The following CADM2 variants were observed in gnomAD, a reference collection of about 807,000 sequenced individuals.
CADM2 encodes cell adhesion molecule 2, also known as immunoglobulin superfamily member 4D.
Under a neutral mutation model 49.8 loss-of-function variants are expected in CADM2, and 12 were observed. That is an observed-to-expected ratio of 0.24 (90% CI 0.15 to 0.39). The LOEUF is 0.39. Ranked by LOEUF, CADM2 falls within the 10% of genes least tolerant of loss-of-function variation. The pLI, the probability that CADM2 is intolerant of heterozygous loss-of-function variation, is 1.00. For missense variants in CADM2, 378 were observed against 492.3 expected (o/e 0.77, Z 2.20); for synonymous variants, 214 against 175.4 (o/e 1.22, Z -1.74).
At chr3:85,744,504 CAAA>C (rs969872533) in intron 2 of CADM2, among the ~76,000 whole-genome samples, 1 of 150,404 alleles carries the variant, frequency 6.6e-6, no homozygotes, top group African/African-American at 2.4e-5. Context: ...CATGTACCCA[CAAA>C]AAATAAAAAA....
chr3:85,624,128 C>A (rs1480068493), intron 1 of CADM2, among the ~76,000 whole-genome samples: 1 of 151,780 alleles, frequency 6.6e-6, no homozygotes, highest in Non-Finnish European at 1.5e-5. Context: ...TTCATATAAC[C>A]ATATAGAGAA....
chr3:85,978,492 CT>C (rs1193705511), intron 8 of CADM2, among the ~76,000 whole-genome samples: 28 of 151,594 alleles, frequency 1.8e-4, no homozygotes, highest in African/African-American at 5.8e-4. Flanking sequence ...TGACTCAATA[CT>C]TGTTAAAGAC....
chr3:85,862,315 ATAACT>A (rs1455531972), intron 3 of CADM2, among the ~76,000 whole-genome samples: 2 of 152,286 alleles, frequency 1.3e-5, no homozygotes, highest in Middle Eastern at 3.4e-3. Flanking sequence ...TAATTTTATA[ATAACT>A]TAATAAGAGG....
At chr3:85,773,125 G>A (rs1403099317) in intron 2 of CADM2, among the ~76,000 whole-genome samples, 1 of 151,770 alleles carries the variant, frequency 6.6e-6, no homozygotes, top group Non-Finnish European at 1.5e-5. Context: ...AAAACAGGCT[G>A]ACAAACAAGA....
intron 1 of CADM2, among the ~76,000 whole-genome samples, chr3:85,476,387 C>T (rs1325748043): frequency 1.3e-5 from 2 of 151,796 alleles, no homozygotes; most frequent in East Asian, 1.9e-4. Context: ...TTAAACAATA[C>T]ACATATTGAA....
chr3:86,007,916 A>G (rs1012854789), intron 8 of CADM2, among the ~76,000 whole-genome samples: 2 of 152,188 alleles, frequency 1.3e-5, no homozygotes, highest in Non-Finnish European at 2.9e-5. Context: ...TCTTCGTTTT[A>G]TTGAACATTT....
intron 1 of CADM2, among the ~76,000 whole-genome samples, chr3:85,582,269 G>T (rs2062821469): frequency 6.6e-6 from 1 of 151,986 alleles, no homozygotes. Flanking sequence ...AATTTTGAGA[G>T]AAAATAAATC....
intron 2 of CADM2, among the ~76,000 whole-genome samples, chr3:85,756,094 T>A (rs1227572573): frequency 6.6e-6 from 1 of 152,088 alleles, no homozygotes; most frequent in Non-Finnish European, 1.5e-5. Context: ...ACAAAAGACA[T>A]GCCTATGGCT....
chr3:85,978,586 C>T (rs1309012985), intron 8 of CADM2, among the ~76,000 whole-genome samples: 3 of 151,558 alleles, frequency 2.0e-5, no homozygotes, highest in African/African-American at 7.3e-5. Context: ...GCATTAACCT[C>T]ATTTGTGAGA....
At chr3:85,523,782 C>A (rs1458858932) in intron 1 of CADM2, among the ~76,000 whole-genome samples, 1 of 151,726 alleles carries the variant, frequency 6.6e-6, no homozygotes, top group South Asian at 2.1e-4. Context: ...AAGTATAGAA[C>A]AATATGGGGT....
intron 1 of CADM2, among the ~76,000 whole-genome samples, chr3:85,487,589 GAGA>G (rs2039476183): frequency 6.6e-6 from 1 of 150,824 alleles, no homozygotes; most frequent in South Asian, 2.1e-4. Context: ...AGTGGAGGAG[GAGA>G]AGGAGGAAGT....
At chr3:85,530,549 T>A (rs2106951918) in intron 1 of CADM2, among the ~76,000 whole-genome samples, 1 of 152,114 alleles carries the variant, frequency 6.6e-6, no homozygotes, top group African/African-American at 2.4e-5. Context: ...CAGGATGGTC[T>A]CAATCTCCTG....
At position 85,886,227 on chromosome 3, in the gene CADM2, A is replaced by G. The variant is rs779666139; in HGVS notation, c.429A>G (p.Ser143=). The G allele has an allele frequency of 6.2e-6, 10 of 1,613,898 alleles. No individual in the cohort carries two copies. The South Asian group carries it at 1.1e-4, about 18-fold the overall frequency. ...AGCCTCAGATTAGTGGATTCTCATC[A>G]CCAGTTATGGAGGGTGACTTGATGC... ...PEKPQISGFS[S]PVMEGDLMQL... is the part of the protein sequence containing the mutation. The change falls in exon 5 of 10, where the codon TCA becomes TCG. Residue 143 remains serine (S), a synonymous_variant. Transcript: ENST00000383699.
At chr3:85,334,896 A>G (rs185150296) in intron 1 of CADM2, among the ~76,000 whole-genome samples, 157 of 151,398 alleles carry the variant, frequency 1.0e-3, no homozygotes, top group Non-Finnish European at 8.3e-4. Context: ...ATGAAACTAG[A>G]CCCCCAAAAT....
At chr3:85,259,210 T>C (rs936320573) in intron 1 of CADM2, among the ~76,000 whole-genome samples, 1 of 152,148 alleles carries the variant, frequency 6.6e-6, no homozygotes, top group Admixed American at 6.6e-5. Flanking sequence ...AGTCAAGTCA[T>C]TGAACGCCGA....
chr3:85,883,475 CA>C, intron 4 of CADM2, 32 bp downstream of exon 4: 1 of 1,564,244 alleles, frequency 6.4e-7, no homozygotes, highest in Non-Finnish European at 8.7e-7. Flanking sequence ...CATGTAATCA[CA>C]AAACCAGAAT....
chr3:85,394,052 C>T (rs1236801948), intron 1 of CADM2, among the ~76,000 whole-genome samples: 1 of 152,100 alleles, frequency 6.6e-6, no homozygotes, highest in Non-Finnish European at 1.5e-5. Flanking sequence ...GCCTCGGCCT[C>T]CCAAAGTGCT....
At chr3:85,252,549 C>T (rs1416040770) in intron 1 of CADM2, among the ~76,000 whole-genome samples, 2 of 151,966 alleles carry the variant, frequency 1.3e-5, no homozygotes, top group Non-Finnish European at 2.9e-5. Flanking sequence ...ACATTAACAC[C>T]TGCATGGTGC....
intron 2 of CADM2, among the ~76,000 whole-genome samples, chr3:85,775,234 C>G (rs1186270903): frequency 6.6e-6 from 1 of 151,748 alleles, no homozygotes; most frequent in African/African-American, 2.4e-5. Flanking sequence ...CTAAAGCATA[C>G]TCAATAGGTT....
Sources: allele counts gnomAD v4.1 joint callset (sites outside exome capture counted in the v4.1 genomes callset), GRCh38; gene constraint gnomAD v4.1.1; transcripts MANE v1.5; gene names NCBI Gene and HGNC (gene_info 2026-07-23, HGNC 2026-07-21).